THSD4: variants seen among roughly 807,000 people sequenced by gnomAD.
The protein encoded by THSD4 is thrombospondin type 1 domain containing 4, also known as thrombospondin type-1 domain-containing protein 4.
Under a neutral mutation model 119.0 loss-of-function variants are expected in THSD4, and 69 were observed. The ratio of observed to expected loss-of-function variants is 0.58; its 90% CI spans 0.48 to 0.71. The LOEUF is 0.71. THSD4 is among the 30% of genes least tolerant of loss of function. The probability of loss-of-function intolerance (pLI) is 0.00; values close to 1 mark genes in which losing one functional copy is unlikely to be tolerated. For synonymous variants in THSD4, 524 were observed against 540.4 expected (o/e 0.97, Z 0.42); for missense variants, 1,393 against 1,391.1 (o/e 1.00, Z -0.02).
rs141811379 is a variant in THSD4, at chr15:71,562,551, C to G, written c.1153-97979C>G. Among the ~76,000 whole-genome samples, 38 of 152,248 alleles carry G rather than the reference C, an allele frequency of 2.5e-4. No individual in the cohort carries two copies. The East Asian group carries it at 7.1e-3, about 29-fold the overall frequency. On this transcript the variant is annotated intron_variant, in intron 7 of 17. Transcript: ENST00000261862. Reference sequence around the variant, plus strand: ...AATATCCTGACCTCACGTTCTGACACTCTTGCTCCTGGAAGTGTAGCAGAA... The same window carrying G: ...AATATCCTGACCTCACGTTCTGACAGTCTTGCTCCTGGAAGTGTAGCAGAA...
intron 2 of THSD4, among the ~76,000 whole-genome samples, chr15:71,143,569 T>C (rs915733983): frequency 6.6e-6 from 1 of 151,996 alleles, no homozygotes; most frequent in Admixed American, 6.6e-5. Context: ...AAAAGGCCCC[T>C]AAAAGTGCTT....
chr15:71,288,178 G>C lies in THSD4; in HGVS notation c.1015+31463G>C, dbSNP rs373220785. Among the ~76,000 whole-genome samples the C allele has an allele frequency of 4.6e-3, 696 of 152,232 alleles. 3 individuals are homozygous for C. Among genetic ancestry groups the C allele is most frequent in the South Asian group, 0.024 (116 of 4,818 alleles). ...GCTAAATTTGATTCGGCCTTTAGATGATAAAAATGAACCAGTCCACAGTAA... is the reference window on the plus strand; with the variant it reads ...GCTAAATTTGATTCGGCCTTTAGATCATAAAAATGAACCAGTCCACAGTAA... On this transcript the variant is annotated intron_variant, in intron 6 of 17. Transcript: ENST00000261862.
At chr15:71,712,387 C>T (rs1274788025) in intron 8 of THSD4, among the ~76,000 whole-genome samples, 8 of 152,198 alleles carry the variant, frequency 5.3e-5, no homozygotes, top group Non-Finnish European at 8.8e-5. Flanking sequence ...TAGCAGAAAT[C>T]TGTGGCATTA....
chr15:71,307,854 G>A (rs527979298), intron 6 of THSD4, among the ~76,000 whole-genome samples: 1 of 152,268 alleles, frequency 6.6e-6, no homozygotes, highest in South Asian at 2.1e-4. Flanking sequence ...AAAAGGAGAA[G>A]GCATATGGAG....
intron 7 of THSD4, among the ~76,000 whole-genome samples, chr15:71,637,692 A>G (rs1258656786): frequency 6.6e-6 from 1 of 150,584 alleles, no homozygotes; most frequent in African/African-American, 2.4e-5. Flanking sequence ...GGTACAGAGT[A>G]GAGGTGGATG....
intron 6 of THSD4, among the ~76,000 whole-genome samples, chr15:71,292,370 C>G (rs2044802996): frequency 6.6e-6 from 1 of 152,032 alleles, no homozygotes; most frequent in Admixed American, 6.6e-5. Context: ...TAGTTTCTTC[C>G]AATATTTCTT....
intron 4 of THSD4, among the ~76,000 whole-genome samples, chr15:71,223,514 C>T (rs1394662201): frequency 2.0e-5 from 3 of 152,226 alleles, no homozygotes; most frequent in Non-Finnish European, 4.4e-5. Context: ...CATTCACATA[C>T]TTATTTGCTG....
intron 8 of THSD4, among the ~76,000 whole-genome samples, chr15:71,674,888 GAAGT>G (rs1476660007): frequency 6.6e-6 from 1 of 152,206 alleles, no homozygotes; most frequent in African/African-American, 2.4e-5. Flanking sequence ...CAGTGGTGCT[GAAGT>G]AAGAAACCCT....
intron 2 of THSD4, among the ~76,000 whole-genome samples, chr15:71,151,461 T>G (rs1443584143): frequency 6.6e-6 from 1 of 152,058 alleles, no homozygotes; most frequent in South Asian, 2.1e-4. Context: ...TACAAATGAT[T>G]CACATTTTTA....
intron 6 of THSD4, among the ~76,000 whole-genome samples, chr15:71,385,437 C>T (rs535335037): frequency 4.6e-5 from 7 of 152,288 alleles, no homozygotes; most frequent in African/African-American, 1.4e-4. Flanking sequence ...GTTTGTGAAT[C>T]GGGTAGCCCT....
intron 6 of THSD4, among the ~76,000 whole-genome samples, chr15:71,298,007 A>G (rs1003454011): frequency 2.0e-5 from 3 of 152,056 alleles, no homozygotes; most frequent in African/African-American, 7.3e-5. Context: ...CGTATCTAAG[A>G]ATTCATTGCC....
chr15:71,494,125 GGA>G (rs2047971402), intron 7 of THSD4, among the ~76,000 whole-genome samples: 1 of 152,164 alleles, frequency 6.6e-6, no homozygotes, highest in Non-Finnish European at 1.5e-5. Flanking sequence ...ATACCAACAA[GGA>G]GAGTCTTTTC....
intron 4 of THSD4, among the ~76,000 whole-genome samples, chr15:71,233,027 A>G (rs750169396): frequency 6.6e-6 from 1 of 152,216 alleles, no homozygotes; most frequent in Non-Finnish European, 1.5e-5. Flanking sequence ...TCTTCTTCCC[A>G]CAGGCTATGA....
chr15:71,232,618 C>T (rs928166588), intron 4 of THSD4, among the ~76,000 whole-genome samples: 3 of 151,752 alleles, frequency 2.0e-5, no homozygotes, highest in African/African-American at 4.8e-5. Flanking sequence ...GCACAAGAGC[C>T]CCATGTGTTT....
At chr15:71,415,686 A>G (rs1053080611) in intron 7 of THSD4, among the ~76,000 whole-genome samples, 1 of 152,006 alleles carries the variant, frequency 6.6e-6, no homozygotes, top group Non-Finnish European at 1.5e-5. Context: ...TTAACCCCCA[A>G]CTACCCTTCC....
chr15:71,764,358 A>G (rs1300038460), intron 15 of THSD4, among the ~76,000 whole-genome samples: 1 of 152,286 alleles, frequency 6.6e-6, no homozygotes, highest in Non-Finnish European at 1.5e-5. Context: ...TTTTATTTCC[A>G]TAAACTAATG....
chr15:71,223,255 T>G (rs2043989688), intron 4 of THSD4, among the ~76,000 whole-genome samples: 1 of 152,248 alleles, frequency 6.6e-6, no homozygotes, highest in African/African-American at 2.4e-5. Context: ...CACAAGCCTG[T>G]GCGACATCAT....
intron 7 of THSD4, among the ~76,000 whole-genome samples, chr15:71,636,310 C>A (rs984679287): frequency 2.6e-5 from 4 of 152,082 alleles, no homozygotes; most frequent in Non-Finnish European, 5.9e-5. Context: ...GTAATCCCAG[C>A]AACTCGGGAG....
intron 7 of THSD4, among the ~76,000 whole-genome samples, chr15:71,608,970 C>G (rs2050169644): frequency 6.6e-6 from 1 of 152,184 alleles, no homozygotes; most frequent in African/African-American, 2.4e-5. Flanking sequence ...CAGTCTCTCC[C>G]TGGGCAGGTG....
Sources: gnomAD v4.1 joint callset for allele counts (sites outside exome capture counted in the v4.1 genomes callset) on GRCh38, gnomAD v4.1.1 for gene constraint, MANE v1.5 for transcripts, NCBI Gene and HGNC (gene_info 2026-07-23, HGNC 2026-07-21) for gene names.